AATK: variants seen among roughly 807,000 people sequenced by gnomAD.
The protein encoded by AATK is lemur tail kinase 1, also known as serine/threonine-protein kinase LMTK1.
A neutral mutation model predicts 114.3 loss-of-function variants in AATK; 91 were observed. That is an observed-to-expected ratio of 0.80 (90% CI 0.67 to 0.95). AATK has a LOEUF of 0.95. Among genes scored for constraint, AATK ranks in the 40% least tolerant of loss-of-function variants. The pLI is 0.00. For missense variants in AATK, 2,176 were observed against 1,965.2 expected (o/e 1.11, Z -2.03); for synonymous variants, 1,075 against 916.5 (o/e 1.17, Z -3.12).
At chr17:81,164,972 G>A (rs555886253) in intron 1 of AATK, among the ~76,000 whole-genome samples, 4 of 152,376 alleles carry the variant, frequency 2.6e-5, no homozygotes, top group East Asian at 3.9e-4. Flanking sequence ...GCCAGGCTGC[G>A]TGCACTGGGC....
chr17:81,119,639 G>GC (rs375043503), intron 12 of AATK, 59 bp from the exon 13 acceptor site: 30 of 1,304,928 alleles, frequency 2.3e-5, no homozygotes, highest in Non-Finnish European at 2.6e-5. Flanking sequence ...GCCCGGCCCC[G>GC]CTCCCACAGT....
In AATK at chr17:81,156,901, C is replaced by T. The variant is rs796113926; in HGVS notation, c.55+9037G>A. On this transcript the variant is annotated intron_variant, in intron 1 of 13. Transcript: ENST00000326724. ...AGTCAGGCACGAAACTGAGGACCCC[C>T]TCCCCAACTCAGAAGCAGGGCCCTG... is the stretch of plus-strand genomic sequence containing the variant. 2.8e-5 allele frequency among the ~76,000 whole-genome samples: 4 copies of T among 142,392 alleles called. No individual in the cohort carries two copies. In the East Asian group the frequency reaches 8.4e-4, roughly 30 times the overall value. The allele number at this position is 142,392 out of a possible 152,430, so 93.4% of individuals were successfully genotyped here.
chr17:81,119,269 A>T, intron 13 of AATK, 111 bp downstream of exon 13: 6 of 1,069,294 alleles, frequency 5.6e-6, no homozygotes, highest in Non-Finnish European at 7.4e-6. Context: ...AGCGGAGCGG[A>T]GCGGAGCCGG....
At chr17:81,141,048 G>T (rs544702562) in intron 1 of AATK, among the ~76,000 whole-genome samples, 1 of 150,660 alleles carries the variant, frequency 6.6e-6, no homozygotes, top group Admixed American at 6.6e-5. Flanking sequence ...CATGGGGACC[G>T]TGAGCCGTGG....
At chr17:81,131,526 G>T (rs1421595319) in intron 2 of AATK, among the ~76,000 whole-genome samples, 1 of 152,178 alleles carries the variant, frequency 6.6e-6, no homozygotes, top group African/African-American at 2.4e-5. Context: ...AGGCACCAGC[G>T]CCTCAGCCTG....
chr17:81,153,024 TAG>T (rs973533941), intron 1 of AATK, among the ~76,000 whole-genome samples: 8 of 152,296 alleles, frequency 5.3e-5, no homozygotes, highest in South Asian at 2.1e-4. Flanking sequence ...TGTATTTTTG[TAG>T]AGACAGGGTT....
In AATK at chr17:81,119,498, G is replaced by A. The variant is rs78044428; in HGVS notation, c.3966C>T (p.Pro1322=). 1.9e-3 allele frequency: 2,859 copies of A among 1,520,048 alleles called. 38 individuals are homozygous for A. In the African/African-American group the frequency reaches 0.033, roughly 17 times the overall value. The allele number at this position is 1,520,048 out of a possible 1,614,324, so 94.2% of individuals were successfully genotyped here. A position where few individuals can be genotyped will look rare whatever the true frequency, so the allele number is the denominator to read the frequency against. ...GCGTGGGCGTGGGCGCAGCCGGGGC[G>A]GGTGCGGCCGGGTCTAGGGCCATGG... ...AFAMALDPAA[P]APAAPTPTPA... is the part of the protein sequence containing the mutation. Residue 1322 remains proline (P), a synonymous_variant, in exon 13 of 14, where the codon CCC becomes CCT. Transcript: ENST00000326724.
chr17:81,136,594 C>T (rs1332620345), intron 1 of AATK, among the ~76,000 whole-genome samples: 3 of 152,352 alleles, frequency 2.0e-5, no homozygotes, highest in Non-Finnish European at 2.9e-5. Flanking sequence ...CCCTGGGGCA[C>T]AGCCCTGCTG....
At position 81,138,887 on chromosome 17, in the gene AATK, G is replaced by A. The variant is rs959586520; in HGVS notation, c.56-4386C>T. On this transcript the variant is annotated intron_variant, in intron 1 of 13. Transcript: ENST00000326724. Reference sequence around the variant, plus strand: ...CACATGTGCACACATACCCATACACGCACACACATATAACCACACATGCGT... The same window carrying A: ...CACATGTGCACACATACCCATACACACACACACATATAACCACACATGCGT... Among the ~76,000 whole-genome samples, 7 of 149,722 alleles carry A rather than the reference G, an allele frequency of 4.7e-5. No individual in the cohort carries two copies. The South Asian group carries it at 8.5e-4, about 18-fold the overall frequency.
intron 1 of AATK, among the ~76,000 whole-genome samples, chr17:81,164,112 T>TGCTCACCAAGC (rs2061457193): frequency 6.6e-6 from 1 of 152,238 alleles, no homozygotes; most frequent in Admixed American, 6.5e-5. Context: ...GACAGCCAAG[T>TGCTCACCAAGC]GCTCACCAAG....
intron 12 of AATK, 61 bp from the exon 13 acceptor site, chr17:81,119,641 T>A: frequency 7.7e-7 from 1 of 1,295,924 alleles, no homozygotes; most frequent in Admixed American, 2.6e-5. Context: ...CCGGCCCCGC[T>A]CCCACAGTCA....
intron 1 of AATK, 78 bp from the exon 2 acceptor site, chr17:81,134,579 C>T: frequency 2.0e-6 from 3 of 1,530,118 alleles, no homozygotes; most frequent in Non-Finnish European, 2.6e-6. Context: ...GGCTCCACAG[C>T]CCCACCTGGA....
intron 4 of AATK, among the ~76,000 whole-genome samples, chr17:81,128,189 CAGGTGTCTCGTTT>C (rs1309019713): frequency 1.3e-5 from 2 of 152,136 alleles, no homozygotes; most frequent in East Asian, 3.9e-4. Flanking sequence ...AAGAGGGACC[CAGGTGTCTCGTTT>C]AGGCCAAGGT....
At position 81,121,630 on chromosome 17, in the gene AATK, G is replaced by T. The variant is rs2060700802; in HGVS notation, c.2306C>A (p.Ala769Asp). ...CTGCGGGTGGTCACCCCCACTACTG[G>T]CTGTCTCTGTCCAGGAGGGTGTAAC... ...CLVTPSWTET[A>D]SSGGDHPQAE... The change falls in exon 11 of 14, where the codon GCC (alanine) becomes GAC (aspartate). Residue 769 changes from alanine (A) to aspartate (D), a missense_variant. Around this residue, in one of 4 missense-constraint regions of AATK, gnomAD observed 1,701 missense variants for 1,394.7 expected, o/e 1.22. Coordinates refer to ENST00000326724, the MANE Select transcript of AATK (RefSeq NM_001080395.3). 1 of 1,493,074 alleles carries T rather than the reference G, an allele frequency of 6.7e-7. No individual in the cohort carries two copies. The allele number at this position is 1,493,074 out of a possible 1,614,324, so 92.5% of individuals were successfully genotyped here. A position where few individuals can be genotyped will look rare whatever the true frequency, so the allele number is the denominator to read the frequency against.
intron 1 of AATK, among the ~76,000 whole-genome samples, chr17:81,163,823 G>T (rs1450847832): frequency 1.3e-5 from 2 of 152,240 alleles, no homozygotes; most frequent in African/African-American, 4.8e-5. Flanking sequence ...ACCAGTTCCT[G>T]CGATGAACAA....
chr17:81,143,963 C>A (rs939626815), intron 1 of AATK, among the ~76,000 whole-genome samples: 1 of 152,244 alleles, frequency 6.6e-6, no homozygotes, highest in African/African-American at 2.4e-5. Flanking sequence ...AGGGTGAGCA[C>A]GGTGCCCAGG....
chr17:81,118,333 A>G lies in AATK; in HGVS notation c.*69T>C, dbSNP rs2060594097. ...GGACGTGGTCCCCACCTTCTCGGTCACCATCCTCGCTGCTGCCTGGCAGGG... is the reference window on the plus strand; with the variant it reads ...GGACGTGGTCCCCACCTTCTCGGTCGCCATCCTCGCTGCTGCCTGGCAGGG... On this transcript the variant is annotated 3_prime_UTR_variant, in exon 14 of 14. Coordinates refer to ENST00000326724, the MANE Select transcript of AATK (RefSeq NM_001080395.3). The G allele has an allele frequency of 1.3e-6, 2 of 1,506,604 alleles. No individual in the cohort carries two copies. The highest frequency in any genetic ancestry group is 2.0e-5 in the Admixed American group (1 of 49,678). The allele number at this position is 1,506,604 out of a possible 1,614,324, so 93.3% of individuals were successfully genotyped here.
chr17:81,160,098 G>A (rs904386943), intron 1 of AATK: 18 of 264,636 alleles, frequency 6.8e-5, no homozygotes, highest in Admixed American at 4.5e-4. Context: ...ATCGCCCACT[G>A]CAGAGGCCCT....
chr17:81,164,360 A>G (rs1243079431), intron 1 of AATK, among the ~76,000 whole-genome samples: 1 of 152,120 alleles, frequency 6.6e-6, no homozygotes, highest in African/African-American at 2.4e-5. Context: ...CTCCTTCCTC[A>G]CCAGCACCAG....
Sources: allele counts gnomAD v4.1 joint callset (sites outside exome capture counted in the v4.1 genomes callset), GRCh38; gene constraint gnomAD v4.1.1; regional missense constraint gnomAD v4.1.1; transcripts MANE v1.5; gene names NCBI Gene and HGNC (gene_info 2026-07-23, HGNC 2026-07-21).